SEMA6D: variants seen among roughly 807,000 people sequenced by gnomAD.
SEMA6D encodes the protein semaphorin 6D.
A neutral mutation model predicts 106.6 loss-of-function variants in SEMA6D; 35 were observed. The ratio of observed to expected loss-of-function variants is 0.33; its 90% confidence interval spans 0.25 to 0.44. The LOEUF is 0.44. Ranked by LOEUF, SEMA6D falls within the 20% of genes least tolerant of loss-of-function variation. The pLI is 1.00. For synonymous variants in SEMA6D, 499 were observed against 487.7 expected (o/e 1.02, Z -0.31); for missense variants, 1,185 against 1,345.9 (o/e 0.88, Z 1.87).
rs1396206402 is a variant in SEMA6D at position 47,772,008 on chromosome 15, C to T, written c.*223C>T. On this transcript the variant is annotated 3_prime_UTR_variant, in exon 19 of 19. Transcript: ENST00000536845. ...AAACAAAGGAAGGTGCTGGTCATTC[C>T]ATTTCTTTTGTTTGAAGCTAAAGAG... 1.8e-6 allele frequency: 1 copy of T among 541,856 alleles called. No homozygotes were observed. Among genetic ancestry groups the T allele is most frequent in the Non-Finnish European group, 3.3e-6 (1 of 306,712 alleles). 33.6% of individuals were successfully genotyped at this position (541,856 alleles called of 1,614,324 possible).
chr15:47,336,451 G>A (rs551485486), intron 1 of SEMA6D, among the ~76,000 whole-genome samples: 2 of 152,274 alleles, frequency 1.3e-5, no homozygotes, highest in South Asian at 4.1e-4. Flanking sequence ...CATGGCAAAA[G>A]CCTGTGAGCA....
At chr15:47,604,429 A>G (rs534363058) in intron 4 of SEMA6D, among the ~76,000 whole-genome samples, 71 of 152,222 alleles carry the variant, frequency 4.7e-4, no homozygotes, top group Admixed American at 1.3e-3. Flanking sequence ...AGAAGTGGGT[A>G]TCCTTCCACT....
At chr15:47,292,374 A>G (rs1261960310) in intron 1 of SEMA6D, among the ~76,000 whole-genome samples, 1 of 152,228 alleles carries the variant, frequency 6.6e-6, no homozygotes, top group Non-Finnish European at 1.5e-5. Context: ...ATGATTCCTT[A>G]TAAAACGAAG....
intron 1 of SEMA6D, among the ~76,000 whole-genome samples, chr15:47,284,077 C>T (rs2035250115): frequency 6.6e-6 from 1 of 152,150 alleles, no homozygotes; most frequent in African/African-American, 2.4e-5. Context: ...TAGCCTTTGC[C>T]ACCAAAAGTG....
intron 1 of SEMA6D, among the ~76,000 whole-genome samples, chr15:47,350,404 G>A (rs1314209060): frequency 6.6e-6 from 1 of 152,122 alleles, no homozygotes; most frequent in Non-Finnish European, 1.5e-5. Flanking sequence ...TTTGAAATTG[G>A]ATACTCAAGG....
At chr15:47,369,793 A>C (rs989943340) in intron 1 of SEMA6D, among the ~76,000 whole-genome samples, 3 of 152,248 alleles carry the variant, frequency 2.0e-5, no homozygotes, top group Non-Finnish European at 4.4e-5. Context: ...GATAATCTAC[A>C]TACAATGAGC....
intron 1 of SEMA6D, among the ~76,000 whole-genome samples, chr15:47,264,141 T>C (rs184463421): frequency 4.2e-4 from 64 of 151,972 alleles, no homozygotes; most frequent in Admixed American, 1.6e-3. Flanking sequence ...GGGAGCTAAA[T>C]GATGAGGACA....
At chr15:47,451,793 G>A (rs1024305810) in intron 2 of SEMA6D, among the ~76,000 whole-genome samples, 1 of 151,992 alleles carries the variant, frequency 6.6e-6, no homozygotes, top group Non-Finnish European at 1.5e-5. Flanking sequence ...GGCCAAGAGT[G>A]GGAGAAGAGA....
chr15:47,619,387 C>T (rs565120293), intron 4 of SEMA6D, among the ~76,000 whole-genome samples: 1 of 152,290 alleles, frequency 6.6e-6, no homozygotes, highest in East Asian at 1.9e-4. Flanking sequence ...TGGATGGTGG[C>T]ATTAGATGAC....
intron 2 of SEMA6D, among the ~76,000 whole-genome samples, chr15:47,448,033 C>T (rs1011156522): frequency 6.6e-6 from 1 of 152,090 alleles, no homozygotes; most frequent in Non-Finnish European, 1.5e-5. Flanking sequence ...TTCCAATATA[C>T]TCACCCAGAA....
intron 3 of SEMA6D, among the ~76,000 whole-genome samples, chr15:47,599,877 G>C (rs1375463797): frequency 1.3e-5 from 2 of 152,072 alleles, no homozygotes. Context: ...GGATCTGCTA[G>C]TTGTTTGCTA....
upstream of SEMA6D, among the ~76,000 whole-genome samples, chr15:47,712,563 T>C (rs879390332): frequency 2.0e-5 from 3 of 152,200 alleles, no homozygotes; most frequent in Admixed American, 6.5e-5. Flanking sequence ...CCTTTGTCAG[T>C]TTGAATTTTG....
chr15:47,536,449 G>T (rs1420824776), intron 3 of SEMA6D, among the ~76,000 whole-genome samples: 6 of 152,164 alleles, frequency 3.9e-5, no homozygotes, highest in African/African-American at 1.2e-4. Context: ...GGAGCCCCTT[G>T]GCTCTCTTAG....
chr15:47,563,082 G>A (rs1256001430), intron 3 of SEMA6D, among the ~76,000 whole-genome samples: 3 of 152,146 alleles, frequency 2.0e-5, no homozygotes, highest in Non-Finnish European at 2.9e-5. Context: ...AGGTGTAAAA[G>A]ACTACATAAT....
At chr15:47,528,253 A>G (rs1287941806) in intron 3 of SEMA6D, among the ~76,000 whole-genome samples, 1 of 152,202 alleles carries the variant, frequency 6.6e-6, no homozygotes, top group East Asian at 1.9e-4. Flanking sequence ...ATGCATTTTC[A>G]GTTTTGTCTT....
chr15:47,619,705 A>G (rs566910406), intron 4 of SEMA6D, among the ~76,000 whole-genome samples: 4 of 152,186 alleles, frequency 2.6e-5, no homozygotes, highest in Non-Finnish European at 5.9e-5. Flanking sequence ...AAAGTCTGAG[A>G]ATCACTGACT....
chr15:47,331,520 T>C (rs549196), intron 1 of SEMA6D, among the ~76,000 whole-genome samples: 48,975 of 152,040 alleles, frequency 0.32, 9,494 homozygotes, highest in East Asian at 0.55. Context: ...ACATGTATAG[T>C]GTTATGTGCC....
chr15:47,376,641 G>A (rs982788424), intron 1 of SEMA6D, among the ~76,000 whole-genome samples: 2 of 151,814 alleles, frequency 1.3e-5, no homozygotes, highest in African/African-American at 4.8e-5. Flanking sequence ...GCTTGCTAAA[G>A]AAAGATAAAC....
chr15:47,298,199 G>A (rs16959208), intron 1 of SEMA6D, among the ~76,000 whole-genome samples: 8,092 of 152,220 alleles, frequency 0.053, 345 homozygotes, highest in African/African-American at 0.12. Flanking sequence ...GGGTTAGGGC[G>A]GAGCTCGCAC....
Sources: gnomAD v4.1 joint callset for allele counts (sites outside exome capture counted in the v4.1 genomes callset) on GRCh38, gnomAD v4.1.1 for gene constraint, MANE v1.5 for transcripts, NCBI Gene and HGNC (gene_info 2026-07-23, HGNC 2026-07-21) for gene names.